LOXL4: variants seen among roughly 807,000 people sequenced by gnomAD.
The protein encoded by LOXL4 is lysyl oxidase like 4.
A neutral mutation model predicts 89.1 loss-of-function variants in LOXL4; 72 were observed. That is an observed-to-expected ratio of 0.81 (90% CI 0.67 to 0.98). The LOEUF is 0.98. LOXL4 is among the 50% of genes least tolerant of loss of function. The probability of loss-of-function intolerance (pLI) is 0.00; values close to 1 mark genes in which losing one functional copy is unlikely to be tolerated. For synonymous variants in LOXL4, 355 were observed against 392.1 expected (o/e 0.91, Z 1.12); for missense variants, 984 against 1,017.5 (o/e 0.97, Z 0.45).
chr10:98,259,124 C>T lies in LOXL4; in HGVS notation c.806G>A (p.Arg269Gln), dbSNP rs759232712. Residue 269 changes from arginine to glutamine, a missense_variant, in exon 6 of 15, where the codon CGG (arginine) becomes CAG (glutamine). By Grantham distance (43) the Arg-to-Gln change is conservative. Transcript: ENST00000260702. The stretch of plus-strand genomic sequence containing the variant: ...TGGGCAGGCTGGCCGCAGCTTGCCC[C>T]GGGCTGGAGCCACCTGCACCTGGCA... Reference protein sequence around the residue: ...ANCQVQVAPARGKLRPACPGG... With the variant: ...ANCQVQVAPAQGKLRPACPGG... The T allele has an allele frequency of 3.4e-5, 55 of 1,609,710 alleles. No homozygotes were observed. In the East Asian group the frequency reaches 6.9e-4, roughly 20 times the overall value.
rs1334355722 is a variant in LOXL4 at position 98,253,706 on chromosome 10, T to C, written c.1682A>G (p.Glu561Gly). Reference protein sequence around the residue: ...RPLSQLYCAHEENCLSKSADH... With the variant: ...RPLSQLYCAHGENCLSKSADH... Reference sequence around the variant, plus strand: ...CGCAGACTTGGAGAGGCAGTTCTCCTCGTGGGCACAATACAGCTGGCTGAG... The same window carrying C: ...CGCAGACTTGGAGAGGCAGTTCTCCCCGTGGGCACAATACAGCTGGCTGAG... The change falls in exon 11 of 15, where the codon GAG becomes GGG. Residue 561 changes from glutamate (E) to glycine (G), a missense_variant. Transcript: ENST00000260702. The C allele has an allele frequency of 6.2e-7, 1 of 1,614,244 alleles. No individual in the cohort carries two copies. The highest frequency in any genetic ancestry group is 1.7e-5 in the Admixed American group (1 of 60,030).
rs560761859 is a variant in LOXL4 at position 98,261,157 on chromosome 10, C to T, written c.457-30G>A. 6.1e-5 allele frequency: 98 copies of T among 1,602,482 alleles called. No individual in the cohort carries two copies. The South Asian group carries it at 6.4e-4, about 10-fold the overall frequency. On this transcript the variant is annotated intron_variant, in intron 3 of 14. Coordinates refer to ENST00000260702, the MANE Select transcript of LOXL4 (RefSeq NM_032211.7). ...GGGGTGCACAGTCACCTGTGGGCCT[C>T]GGGGCTCCTGCTCCTCCAGTGGAGC...
At chr10:98,260,035 G>T (rs747779714) in intron 4 of LOXL4, among the ~76,000 whole-genome samples, 1 of 152,218 alleles carries the variant, frequency 6.6e-6, no homozygotes, top group African/African-American at 2.4e-5. Context: ...TGACTCAGAC[G>T]TACTACGGGA....
At chr10:98,261,997 G>C in intron 3 of LOXL4, 38 bp downstream of exon 3, 1 of 1,554,456 alleles carries the variant, frequency 6.4e-7, no homozygotes, top group Non-Finnish European at 8.7e-7. Context: ...CTCTGACCCA[G>C]CCCTTGGCTC....
intron 6 of LOXL4, 23 bp downstream of exon 6, chr10:98,258,986 A>T (rs1342460066): frequency 1.3e-6 from 2 of 1,501,750 alleles, no homozygotes; most frequent in Admixed American, 4.3e-5. Context: ...CTGTGGTGTG[A>T]GTGCAGGATG....
Position 98,262,162 on chromosome 10 carries a change from T to C in LOXL4, c.329A>G (p.Asp110Gly). 6.2e-7 allele frequency: 1 copy of C among 1,613,678 alleles called. No homozygotes were observed. Among genetic ancestry groups the C allele is most frequent in the South Asian group, 1.1e-5 (1 of 91,078 alleles). The change falls in exon 3 of 15, where the codon GAC (aspartate) becomes GGC (glycine). Residue 110 changes from aspartate (D) to glycine (G), a missense_variant. By Grantham distance (94) the Asp-to-Gly change is moderately conservative. Coordinates refer to ENST00000260702, the MANE Select transcript of LOXL4 (RefSeq NM_032211.7). ...TCCCCAGCCATTAGACCCGCACTGG[T>C]CCAAGGAGCTCTCTGTGCCCACACA... ...VRCVGTESSLDQCGSNGWGVS... is the reference protein window; with the variant it reads ...VRCVGTESSLGQCGSNGWGVS...
chr10:98,259,255 G>A, intron 5 of LOXL4, 27 bp from the exon 6 acceptor site: 1 of 1,601,358 alleles, frequency 6.2e-7, no homozygotes. Context: ...ACTGAGGGTG[G>A]AGGAAGGGCT....
intron 1 of LOXL4, among the ~76,000 whole-genome samples, chr10:98,267,199 T>C (rs1188901816): frequency 2.0e-5 from 3 of 150,570 alleles, no homozygotes; most frequent in Non-Finnish European, 4.4e-5. Flanking sequence ...CCACCAAGAA[T>C]GGATGTTGGA....
At chr10:98,263,732 C>CTTTTT (rs372675359) in intron 1 of LOXL4, among the ~76,000 whole-genome samples, 2 of 138,864 alleles carry the variant, frequency 1.4e-5, no homozygotes. Flanking sequence ...TTCTTTCTTT[C>CTTTTT]TTTTTTTTTT....
At position 98,258,121 on chromosome 10, in the gene LOXL4, C is replaced by A. The variant is rs1246191528; in HGVS notation, c.965G>T (p.Gly322Val). 6.2e-7 allele frequency: 1 copy of A among 1,613,196 alleles called. No individual in the cohort carries two copies. The highest frequency in any genetic ancestry group is 1.7e-4 in the Middle Eastern group (1 of 6,058). ...RLRSGAQVGE[G>V]RVEVLMNRQW... ...GCGGTTCATGAGCACTTCCACCCGG[C>A]CCTCGCCCACCTGGGCCCCGGAGCG... is the stretch of plus-strand genomic sequence containing the variant. Residue 322 changes from glycine to valine, a missense_variant, in exon 7 of 15, where the codon GGC becomes GTC. Transcript: ENST00000260702.
chr10:98,252,397 C>T lies in LOXL4; in HGVS notation c.1907G>A (p.Gly636Glu). Residue 636 changes from glycine to glutamate, a missense_variant, in exon 12 of 15, where the codon GGG (glycine) becomes GAG (glutamate). Gly to Glu is a moderately conservative substitution (Grantham distance 98). Transcript: ENST00000260702. ...LTLNGSKVAEGHKASFCLEDT... is the reference protein window; with the variant it reads ...LTLNGSKVAEEHKASFCLEDT... ...CTCCAGACAGAAGCTGGCCTTGTGCCCCTCAGCCACCTTGGAGCCATTGAG... is the reference window on the plus strand; with the variant it reads ...CTCCAGACAGAAGCTGGCCTTGTGCTCCTCAGCCACCTTGGAGCCATTGAG... 6.2e-7 allele frequency: 1 copy of T among 1,614,110 alleles called. No homozygotes were observed. Among genetic ancestry groups the T allele is most frequent in the Non-Finnish European group, 8.5e-7 (1 of 1,180,016 alleles).
intron 1 of LOXL4, among the ~76,000 whole-genome samples, chr10:98,264,414 A>T (rs537310100): frequency 8.0e-4 from 120 of 150,068 alleles, no homozygotes; most frequent in Non-Finnish European, 1.6e-3. Flanking sequence ...TTACCCCCAG[A>T]CCACAGTGTG....
At chr10:98,255,468 T>C in intron 10 of LOXL4, 109 bp downstream of exon 10, 1 of 1,259,448 alleles carries the variant, frequency 7.9e-7, no homozygotes, top group Non-Finnish European at 1.1e-6. Flanking sequence ...GCTGGTACTT[T>C]CATTCCCCCA....
rs761221673 is a variant in LOXL4, at chr10:98,253,599, G to A, written c.1789C>T (p.Arg597Cys). ...CAGCTATCGCGTCCAGTCTTTGGACGAAAGTCAGTCCGGCCCAGATTGTAG... is the reference window on the plus strand; with the variant it reads ...CAGCTATCGCGTCCAGTCTTTGGACAAAAGTCAGTCCGGCCCAGATTGTAG... The part of the protein sequence containing the change: ...QIYNLGRTDF[R>C]PKTGRDSWVW... Residue 597 changes from arginine to cysteine, a missense_variant, in exon 11 of 15, where the codon CGT becomes TGT. Physicochemically the swap from Arg to Cys is radical, Grantham distance 180 (BLOSUM62 -3). Transcript: ENST00000260702. 9 of 1,614,174 alleles carry A rather than the reference G, an allele frequency of 5.6e-6. No homozygotes were observed. Among genetic ancestry groups the A allele is most frequent in the South Asian group, 1.1e-5 (1 of 91,090 alleles).
At position 98,257,570 on chromosome 10, in the gene LOXL4, G is replaced by A. The variant is rs551979905; in HGVS notation, c.1260+80C>T. ...AGCCGCTCCTCCTGGACCTCTCCCC[G>A]CTAGCTCGATGTGGTGTCCTGGGGA... On this transcript the variant is annotated intron_variant, in intron 8 of 14. Coordinates refer to ENST00000260702, the MANE Select transcript of LOXL4 (RefSeq NM_032211.7). The A allele has an allele frequency of 9.7e-5, 146 of 1,507,732 alleles. No individual in the cohort carries two copies. In the African/African-American group the frequency reaches 1.9e-3, roughly 19 times the overall value. The allele number at this position is 1,507,732 out of a possible 1,614,324, so 93.4% of individuals were successfully genotyped here. A position where few individuals can be genotyped will look rare whatever the true frequency, so the allele number is the denominator to read the frequency against.
intron 1 of LOXL4, among the ~76,000 whole-genome samples, chr10:98,264,455 G>T (rs1389166974): frequency 6.6e-6 from 1 of 151,388 alleles, no homozygotes; most frequent in Non-Finnish European, 1.5e-5. Context: ...ATGGAGGGAC[G>T]AGCTGGGGCC....
Position 98,253,788 on chromosome 10 carries a change from C to T in LOXL4, c.1600G>A (p.Asp534Asn). The change falls in exon 11 of 15, where the codon GAC (aspartate) becomes AAC (asparagine). Residue 534 changes from aspartate (D) to asparagine (N), a missense_variant. Coordinates refer to ENST00000260702, the MANE Select transcript of LOXL4 (RefSeq NM_032211.7). ...ACTAGCTGGGCGTTCATCACCAGGT[C>T]TGGTGCACCTGGGGCGGCGGAGGGC... ...AGVSCMDSAP[D>N]LVMNAQLVQE... 6.2e-7 allele frequency: 1 copy of T among 1,613,944 alleles called. No homozygotes were observed. The highest frequency in any genetic ancestry group is 8.5e-7 in the Non-Finnish European group (1 of 1,179,994).
At chr10:98,266,724 C>T (rs1564763414) in intron 1 of LOXL4, among the ~76,000 whole-genome samples, 1 of 152,154 alleles carries the variant, frequency 6.6e-6, no homozygotes, top group Non-Finnish European at 1.5e-5. Flanking sequence ...TCCCAGCCTC[C>T]AAGCCTTTGC....
At chr10:98,257,081 T>C in intron 8 of LOXL4, 134 bp from the exon 9 acceptor site, 1 of 1,061,640 alleles carries the variant, frequency 9.4e-7, no homozygotes, top group Non-Finnish European at 1.3e-6. Flanking sequence ...TGCCTTGGTC[T>C]CCTTCTCTGT....
Sources: allele counts gnomAD v4.1 joint callset (sites outside exome capture counted in the v4.1 genomes callset), GRCh38; gene constraint gnomAD v4.1.1; transcripts MANE v1.5; gene names NCBI Gene and HGNC (gene_info 2026-07-23, HGNC 2026-07-21).